The following PADI4 variants were observed in gnomAD, a reference collection of about 807,000 sequenced individuals.
PADI4 encodes protein-arginine deiminase type-4.
PADI4 carries 62 observed loss-of-function variants against 75.0 expected under a neutral mutation model. The ratio of observed to expected loss-of-function variants is 0.83; its 90% CI spans 0.67 to 1.02. The LOEUF is 1.02. Among genes scored for constraint, PADI4 ranks in the 50% least tolerant of loss-of-function variants. The pLI is 0.00. For synonymous variants in PADI4, 361 were observed against 348.1 expected, an observed-to-expected ratio of 1.04 and a Z score of -0.41; for missense variants, 845 against 850.5, an observed-to-expected ratio of 0.99 and a Z score of 0.08.
chr1:17,311,331 C>T (rs541936215), intron 1 of PADI4, among the ~76,000 whole-genome samples: 2 of 152,220 alleles, frequency 1.3e-5, no homozygotes, highest in South Asian at 4.1e-4. Context: ...CTTCGCAGCC[C>T]ACCCTGCCTC....
intron 1 of PADI4, among the ~76,000 whole-genome samples, chr1:17,329,112 AT>A (rs1189826747): frequency 1.4e-5 from 2 of 147,704 alleles, no homozygotes; most frequent in South Asian, 2.1e-4. Context: ...TTATTAAGAT[AT>A]TTTTTGTACG....
Position 17,333,288 on chromosome 1 carries a change from C to T in PADI4, c.274-655C>T, listed in dbSNP as rs572319125. ...TCTACAGGGCAGGTCCGAGCACCTCCGCGTGGCCCCTCAGGAGCTCCTCTT... is the reference window on the plus strand; with the variant it reads ...TCTACAGGGCAGGTCCGAGCACCTCTGCGTGGCCCCTCAGGAGCTCCTCTT... On this transcript the variant is annotated intron_variant, in intron 2 of 15. Coordinates refer to ENST00000375448, the MANE Select transcript of PADI4 (RefSeq NM_012387.3). 9.9e-5 allele frequency among the ~76,000 whole-genome samples: 15 copies of T among 152,142 alleles called. No individual in the cohort carries two copies. In the South Asian group the frequency reaches 2.7e-3, roughly 27 times the overall value.
At chr1:17,316,428 GC>G (rs1333043489) in intron 1 of PADI4, among the ~76,000 whole-genome samples, 1 of 150,218 alleles carries the variant, frequency 6.7e-6, no homozygotes, top group African/African-American at 2.5e-5. Context: ...GGTGGCTCAC[GC>G]CTGTAATCCC....
intron 1 of PADI4, among the ~76,000 whole-genome samples, chr1:17,310,631 A>G (rs918015054): frequency 1.3e-5 from 2 of 151,992 alleles, no homozygotes; most frequent in African/African-American, 4.8e-5. Flanking sequence ...TCTCAAAAAA[A>G]AAGAGGCAAA....
intron 1 of PADI4, among the ~76,000 whole-genome samples, chr1:17,312,126 T>C (rs959920325): frequency 1.3e-5 from 2 of 152,150 alleles, no homozygotes. Context: ...TCCGTGCTTT[T>C]TCCTAAATGG....
chr1:17,326,904 C>CTTT (rs140721491), intron 1 of PADI4, among the ~76,000 whole-genome samples: 4,216 of 132,112 alleles, frequency 0.032, 200 homozygotes, highest in Middle Eastern at 0.052. Flanking sequence ...GCCTTATATG[C>CTTT]TTTTTTTTTT....
rs371711731 is a variant in PADI4 at position 17,346,956 on chromosome 1, C to CTT, written c.1047+826_1047+827dup. The stretch of plus-strand genomic sequence containing the variant: ...TTCTTGCCATTCCATCTTTTCTTTT[C>CTT]TTTTTTTTTTCACTCTTGTTGCCCA... On this transcript the variant is annotated intron_variant, in intron 9 of 15. Transcript: ENST00000375448. The surrounding 1 kb of genome is among the most constrained non-coding windows in gnomAD (Gnocchi z 4.3). Among the ~76,000 whole-genome samples the CTT allele has an allele frequency of 2.8e-3, 415 of 149,732 alleles. 4 individuals are homozygous for CTT. The highest frequency in any genetic ancestry group is 9.5e-3 in the African/African-American group (387 of 40,872).
intron 5 of PADI4, among the ~76,000 whole-genome samples, chr1:17,338,385 C>T (rs1209409286): frequency 5.9e-5 from 9 of 152,186 alleles, no homozygotes; most frequent in Non-Finnish European, 2.9e-5. Context: ...CTCCTGATGC[C>T]TCCTACAGGC....
At chr1:17,351,247 C>T (rs1040468639) in intron 10 of PADI4, among the ~76,000 whole-genome samples, 23 of 146,726 alleles carry the variant, frequency 1.6e-4, no homozygotes, top group South Asian at 6.5e-4. Flanking sequence ...CAGAGTAGAG[C>T]GGAATGGAGG....
At chr1:17,347,840 A>C in intron 9 of PADI4, 101 bp from the exon 10 acceptor site, 1 of 596,646 alleles carries the variant, frequency 1.7e-6, no homozygotes, top group East Asian at 2.9e-5. Flanking sequence ...CCTTGACTGC[A>C]AGGGTGAGAG....
Position 17,308,227 on chromosome 1 carries a change from C to T in PADI4, c.5C>T (p.Ala2Val). The change falls in exon 1 of 16, where the codon GCC (alanine) becomes GTC (valine). Residue 2 changes from alanine to valine, a missense_variant. By Grantham distance (64) the Ala-to-Val change is moderately conservative. Transcript: ENST00000375448. Reference sequence around the variant, plus strand: ...GAGGGACGAGCTAGCCCGACGATGGCCCAGGGGACATTGATCCGTGTGACC... The same window carrying T: ...GAGGGACGAGCTAGCCCGACGATGGTCCAGGGGACATTGATCCGTGTGACC... MAQGTLIRVTPE... is the reference protein window; with the variant it reads MVQGTLIRVTPE... 6.2e-7 allele frequency: 1 copy of T among 1,613,912 alleles called. No individual in the cohort carries two copies. Among genetic ancestry groups the T allele is most frequent in the South Asian group, 1.1e-5 (1 of 91,084 alleles).
chr1:17,352,090 G>C (rs1298296013), intron 10 of PADI4, among the ~76,000 whole-genome samples: 57 of 135,346 alleles, frequency 4.2e-4, no homozygotes, highest in African/African-American at 8.6e-4. Flanking sequence ...AGTCAGGGAG[G>C]TGATGGGAGG....
chr1:17,333,871 C>A, intron 2 of PADI4, 72 bp from the exon 3 acceptor site: 1 of 1,182,206 alleles, frequency 8.5e-7, no homozygotes, highest in East Asian at 2.3e-5. Flanking sequence ...CCTGAGCCGG[C>A]ACATAGGAGG....
At chr1:17,314,476 C>A (rs1384609466) in intron 1 of PADI4, among the ~76,000 whole-genome samples, 1 of 152,196 alleles carries the variant, frequency 6.6e-6, no homozygotes, top group Admixed American at 6.5e-5. Flanking sequence ...CATCTCCTGG[C>A]CGGGAACTGC....
intron 6 of PADI4, among the ~76,000 whole-genome samples, chr1:17,340,343 T>G (rs1436521809): frequency 6.6e-6 from 1 of 152,056 alleles, no homozygotes; most frequent in Non-Finnish European, 1.5e-5. Flanking sequence ...TCCAACGCTG[T>G]GACATGCTAT....
intron 1 of PADI4, among the ~76,000 whole-genome samples, chr1:17,309,314 G>A (rs2073736164): frequency 1.3e-5 from 2 of 152,048 alleles, no homozygotes. Context: ...TCACTAGACA[G>A]ATAAACTCAA....
At chr1:17,343,090 G>C (rs919364131) in intron 8 of PADI4, among the ~76,000 whole-genome samples, 2 of 152,204 alleles carry the variant, frequency 1.3e-5, no homozygotes, top group Non-Finnish European at 2.9e-5. Context: ...GGGAGGCTGA[G>C]GCAGGAGAAT....
At chr1:17,358,556 A>G (rs60429109) in intron 13 of PADI4, among the ~76,000 whole-genome samples, 1 of 13,970 alleles carries the variant, frequency 7.2e-5, no homozygotes, top group Non-Finnish European at 1.3e-4. Context: ...CGACAGCGAG[A>G]CTCCGTCTCA....
intron 1 of PADI4, among the ~76,000 whole-genome samples, chr1:17,322,182 C>G (rs1293804886): frequency 6.6e-6 from 1 of 152,172 alleles, no homozygotes; most frequent in Non-Finnish European, 1.5e-5. Flanking sequence ...GTCCTTTGCC[C>G]TGTACCTGTA....
Sources: gnomAD v4.1 joint callset for allele counts (sites outside exome capture counted in the v4.1 genomes callset) on GRCh38, gnomAD v4.1.1 for gene constraint, Gnocchi (gnomAD v3.1) non-coding constraint, MANE v1.5 for transcripts, NCBI Gene and HGNC (gene_info 2026-07-23, HGNC 2026-07-21) for gene names.